ATOSA: variants seen among roughly 807,000 people sequenced by gnomAD.
ATOSA encodes the protein atos homolog A, also known as atos homolog protein A.
the ATOSA span, among the ~76,000 whole-genome samples, chr15:52,601,889 C>T: frequency 3.3e-5 from 5 of 152,140 alleles, no homozygotes; most frequent in African/African-American, 1.2e-4. Context: ...TAAACCACCT[C>T]GACATTTTGG....
At chr15:52,706,778 C>T in the ATOSA span, among the ~76,000 whole-genome samples, 1 of 152,090 alleles carries the variant, frequency 6.6e-6, no homozygotes, top group African/African-American at 2.4e-5. Flanking sequence ...AAATCGAAAA[C>T]ATCATGCCAA....
At chr15:52,636,854 A>C in the ATOSA span, among the ~76,000 whole-genome samples, 1 of 152,210 alleles carries the variant, frequency 6.6e-6, no homozygotes, top group South Asian at 2.1e-4. Flanking sequence ...CAGTTAATAA[A>C]GAGGGAGTAA....
At chr15:52,594,440 T>A in the ATOSA span, among the ~76,000 whole-genome samples, 1 of 152,230 alleles carries the variant, frequency 6.6e-6, no homozygotes, top group Non-Finnish European at 1.5e-5. Flanking sequence ...TTATTTTATA[T>A]AAATATATCA....
chr15:52,678,223 G>A, the ATOSA span: 1 of 643,978 alleles, frequency 1.6e-6, no homozygotes, highest in Non-Finnish European at 2.7e-6. Context: ...ACCAACTGCG[G>A]TGACAGCACC....
the ATOSA span, among the ~76,000 whole-genome samples, chr15:52,691,544 G>A: frequency 0.13 from 20,506 of 152,190 alleles, 1,543 homozygotes; most frequent in East Asian, 0.28. Context: ...CCAAGAATAG[G>A]TAGAGAACCC....
the ATOSA span, among the ~76,000 whole-genome samples, chr15:52,675,380 A>G: frequency 6.6e-6 from 1 of 152,138 alleles, no homozygotes; most frequent in Non-Finnish European, 1.5e-5. Flanking sequence ...CAATAGAAAA[A>G]GAATTAAGGC....
At chr15:52,680,881 A>ATAACTTT in the ATOSA span, among the ~76,000 whole-genome samples, 1 of 152,008 alleles carries the variant, frequency 6.6e-6, no homozygotes, top group Non-Finnish European at 1.5e-5. Context: ...TTGTTCTACA[A>ATAACTTT]GCACTTGGTA....
the ATOSA span, among the ~76,000 whole-genome samples, chr15:52,627,938 G>A: frequency 4.5e-3 from 691 of 152,208 alleles, 16 homozygotes; most frequent in East Asian, 0.059. Context: ...TTGAGAGGCA[G>A]ATTTCATCAC....
the ATOSA span, among the ~76,000 whole-genome samples, chr15:52,617,620 C>T: frequency 2.6e-5 from 4 of 151,876 alleles, no homozygotes; most frequent in Non-Finnish European, 4.4e-5. Flanking sequence ...TTCAGAGATA[C>T]CTATTGTTAA....
the ATOSA span, among the ~76,000 whole-genome samples, chr15:52,665,375 A>G: frequency 6.6e-6 from 1 of 152,254 alleles, no homozygotes; most frequent in Non-Finnish European, 1.5e-5. Flanking sequence ...AAGGAAAACA[A>G]GATACAAATC....
chr15:52,670,851 A>T, the ATOSA span, among the ~76,000 whole-genome samples: 1 of 152,234 alleles, frequency 6.6e-6, no homozygotes, highest in Non-Finnish European at 1.5e-5. Flanking sequence ...TGAAGCTCAG[A>T]AGCAACACCC....
At chr15:52,591,986 CA>C in the ATOSA span, among the ~76,000 whole-genome samples, 2 of 152,082 alleles carry the variant, frequency 1.3e-5, no homozygotes, top group Non-Finnish European at 2.9e-5. Flanking sequence ...ATCAAAGTGT[CA>C]AACACTAATC....
the ATOSA span, among the ~76,000 whole-genome samples, chr15:52,700,627 A>G: frequency 6.6e-6 from 1 of 152,218 alleles, no homozygotes; most frequent in African/African-American, 2.4e-5. Flanking sequence ...AGGAAGTGCT[A>G]TCTAGCAAAC....
chr15:52,623,223 A>G, the ATOSA span, among the ~76,000 whole-genome samples: 15 of 151,906 alleles, frequency 9.9e-5, no homozygotes, highest in Non-Finnish European at 1.6e-4. Flanking sequence ...AATAGGACAG[A>G]AAGTTTAGAT....
the ATOSA span, among the ~76,000 whole-genome samples, chr15:52,633,812 G>C: frequency 6.6e-6 from 1 of 151,852 alleles, no homozygotes; most frequent in Non-Finnish European, 1.5e-5. Flanking sequence ...AAATCATATA[G>C]GTAAATATAA....
chr15:52,677,910 A>T, the ATOSA span: 1 of 1,465,812 alleles, frequency 6.8e-7, no homozygotes, highest in Non-Finnish European at 9.6e-7. Flanking sequence ...ATACAGAAAT[A>T]GTTGATCCTA....
At chr15:52,622,520 T>C in the ATOSA span, among the ~76,000 whole-genome samples, 41 of 152,334 alleles carry the variant, frequency 2.7e-4, no homozygotes, top group Admixed American at 1.5e-3. Flanking sequence ...GCTTATATTG[T>C]TGTGATGACA....
the ATOSA span, among the ~76,000 whole-genome samples, chr15:52,706,846 C>T: frequency 3.3e-5 from 5 of 152,152 alleles, no homozygotes; most frequent in Admixed American, 6.5e-5. Context: ...ATTCAGAATA[C>T]GCAAATCTGT....
At chr15:52,611,965 T>C in the ATOSA span, among the ~76,000 whole-genome samples, 4 of 151,986 alleles carry the variant, frequency 2.6e-5, no homozygotes, top group African/African-American at 9.7e-5. Context: ...AGCTCTAGAG[T>C]GCAAGGATTA....
Sources: allele counts gnomAD v4.1 joint callset (sites outside exome capture counted in the v4.1 genomes callset), GRCh38; gene constraint gnomAD v4.1.1; transcripts MANE v1.5; gene names NCBI Gene and HGNC (gene_info 2026-07-23, HGNC 2026-07-21).